The following AGO1 variants were observed in gnomAD, a reference collection of about 807,000 sequenced individuals.
AGO1 encodes argonaute RISC component 1.
A neutral mutation model predicts 109.2 loss-of-function variants in AGO1; 11 were observed. The observed-to-expected ratio is 0.10, with a 90% CI of 0.06 to 0.17. AGO1 has a LOEUF of 0.17. Among genes scored for constraint, AGO1 ranks in the 10% least tolerant of loss-of-function variants. The pLI, the probability that AGO1 is intolerant of heterozygous loss-of-function variation, is 1.00. For synonymous variants in AGO1, 422 were observed against 418.6 expected (o/e 1.01, Z -0.10); for missense variants, 574 against 1,140.3 (o/e 0.50, Z 7.15).
chr1:35,915,498 A>C lies in AGO1; in HGVS notation c.1984A>C (p.Ile662Leu). 1.2e-6 allele frequency: 2 copies of C among 1,614,178 alleles called. No individual in the cohort carries two copies. The highest frequency in any genetic ancestry group is 1.7e-6 in the Non-Finnish European group (2 of 1,180,032). ...GTCCACCCGTTTCAAGCCTACCCGC[A>C]TCATCTTCTACCGAGATGGGGTGCC... ...YKSTRFKPTR[I>L]IFYRDGVPEG... Residue 662 changes from isoleucine (I) to leucine (L), a missense_variant, in exon 15 of 19, where the codon ATC (isoleucine) becomes CTC (leucine). By Grantham distance (5) the Ile-to-Leu change is conservative. Coordinates refer to ENST00000373204, the MANE Select transcript of AGO1 (RefSeq NM_012199.5).
chr1:35,871,312 G>T (rs1436601288), intron 1 of AGO1, among the ~76,000 whole-genome samples: 3 of 149,770 alleles, frequency 2.0e-5, no homozygotes, highest in Non-Finnish European at 4.4e-5. Context: ...TTGGGAGGCC[G>T]AGGTGGGTGG....
chr1:35,890,966 T>C (rs577084774), intron 2 of AGO1, among the ~76,000 whole-genome samples: 1 of 152,302 alleles, frequency 6.6e-6, no homozygotes, highest in Non-Finnish European at 1.5e-5. Context: ...CACACACATA[T>C]AAATATGTTT....
At chr1:35,886,184 C>T (rs930424210) in intron 1 of AGO1, among the ~76,000 whole-genome samples, 3 of 152,182 alleles carry the variant, frequency 2.0e-5, no homozygotes, top group Non-Finnish European at 4.4e-5. Context: ...CCCCTTTCCC[C>T]CTAGGCCCAA....
Position 35,903,213 on chromosome 1 carries a change from A to G in AGO1, c.1397+876A>G, listed in dbSNP as rs538467856. Among the ~76,000 whole-genome samples, 4 of 151,688 alleles carry G rather than the reference A, an allele frequency of 2.6e-5. No homozygotes were observed. The South Asian group carries it at 8.4e-4, about 32-fold the overall frequency. ...AGTAGAGATGGGGTTTCAGTGTGTT[A>G]GCCAGGATGATCTCGATTTCCTGAC... On this transcript the variant is annotated intron_variant, in intron 11 of 18. Transcript: ENST00000373204.
chr1:35,904,022 C>G (rs1487495382), intron 11 of AGO1, among the ~76,000 whole-genome samples: 3 of 151,002 alleles, frequency 2.0e-5, no homozygotes, highest in Admixed American at 2.0e-4. Context: ...CCTGCCCTTG[C>G]TCTTCTTCCC....
intron 12 of AGO1, among the ~76,000 whole-genome samples, chr1:35,908,207 A>G (rs1011658212): frequency 1.3e-5 from 2 of 152,114 alleles, no homozygotes; most frequent in African/African-American, 4.8e-5. Context: ...CCTTCTGTCT[A>G]CCTTTCTCCT....
intron 1 of AGO1, among the ~76,000 whole-genome samples, chr1:35,870,861 A>G (rs1644944237): frequency 6.6e-6 from 1 of 152,124 alleles, no homozygotes. Context: ...ACTTTTGCAT[A>G]GTTTTGAATT....
At chr1:35,918,504 C>G in intron 17 of AGO1, 81 bp downstream of exon 17, 1 of 1,068,458 alleles carries the variant, frequency 9.4e-7, no homozygotes, top group Non-Finnish European at 1.5e-6. Context: ...TATCAGTCAT[C>G]ACTGAATGAC....
chr1:35,883,259 C>G lies in AGO1; in HGVS notation c.-163C>G. The G allele has an allele frequency of 7.4e-7, 1 of 1,350,808 alleles. No individual in the cohort carries two copies. Among genetic ancestry groups the G allele is most frequent in the Non-Finnish European group, 9.5e-7 (1 of 1,050,404 alleles). 83.7% of individuals were successfully genotyped at this position (1,350,808 alleles called of 1,614,324 possible). ...GTGGGAGCTGCTGCAGGCTCCGCGG[C>G]GGCGGCAACGGAGGCTGCGGGGGCG... On this transcript the variant is annotated 5_prime_UTR_variant, in exon 1 of 19. Coordinates refer to ENST00000373204, the MANE Select transcript of AGO1 (RefSeq NM_012199.5). This position sits in a 1 kb window ranked among gnomAD's most constrained non-coding sequence, Gnocchi z 5.4.
rs1175672776 is a variant in AGO1 at position 35,890,962 on chromosome 1, C to T, written c.210-1595C>T. On this transcript the variant is annotated intron_variant, in intron 2 of 18. Transcript: ENST00000373204. ...GAAAGGAGAAAAATTGATGCACACA[C>T]ATATAAATATGTTTGTGTATATGTC... is the stretch of plus-strand genomic sequence containing the variant. 2.0e-5 allele frequency among the ~76,000 whole-genome samples: 3 copies of T among 152,188 alleles called. No individual in the cohort carries two copies. In the East Asian group the frequency reaches 5.8e-4, roughly 29 times the overall value.
upstream of AGO1, chr1:35,883,200 C>T (rs1645056680): frequency 1.7e-6 from 2 of 1,186,052 alleles, no homozygotes; most frequent in Non-Finnish European, 2.1e-6. The surrounding 1 kb of genome is among the most constrained non-coding windows in gnomAD (Gnocchi z 5.4). Flanking sequence ...CCGGCGGTCG[C>T]GCCTGCGCAC....
At chr1:35,911,556 C>G (rs1330232125) in intron 12 of AGO1, among the ~76,000 whole-genome samples, 1 of 152,006 alleles carries the variant, frequency 6.6e-6, no homozygotes, top group Non-Finnish European at 1.5e-5. Context: ...TTAGCATTCT[C>G]TGCTGCCTTT....
upstream of AGO1, among the ~76,000 whole-genome samples, chr1:35,879,734 CAAAAAAAAAAAAA>C (rs71034705): frequency 7.0e-5 from 4 of 57,500 alleles, no homozygotes; most frequent in East Asian, 9.8e-4. Flanking sequence ...GGTTCTGTCT[CAAAAAAAAAAAAA>C]AAAAAAAAAA....
In AGO1 at chr1:35,888,512, G is replaced by T; in HGVS notation, c.111G>T (p.Lys37Asn). 1.9e-6 allele frequency: 3 copies of T among 1,614,222 alleles called. No homozygotes were observed. Among genetic ancestry groups the T allele is most frequent in the Non-Finnish European group, 2.5e-6 (3 of 1,180,044 alleles). Reference protein sequence around the residue: ...PGIGTVGKPIKLLANYFEVDI... With the variant: ...PGIGTVGKPINLLANYFEVDI... ...TTGGCACTGTGGGGAAACCAATCAA[G>T]CTCCTGGCCAATTACTTTGAGGTGG... The change falls in exon 2 of 19, where the codon AAG (lysine) becomes AAT (asparagine). Residue 37 changes from lysine (K) to asparagine (N), a missense_variant. Around this residue, in one of 8 missense-constraint regions of AGO1, gnomAD observed 89 missense variants for 109.6 expected, o/e 0.81. Coordinates refer to ENST00000373204, the MANE Select transcript of AGO1 (RefSeq NM_012199.5). The surrounding 1 kb of genome is among the most constrained non-coding windows in gnomAD (Gnocchi z 4.1).
At chr1:35,894,232 C>G (rs1645276087) in intron 6 of AGO1, 61 bp downstream of exon 6, 2 of 1,587,388 alleles carry the variant, frequency 1.3e-6, no homozygotes, top group Non-Finnish European at 1.7e-6. Context: ...AGGAAATCCC[C>G]TTGGGGTATG....
intron 1 of AGO1, among the ~76,000 whole-genome samples, chr1:35,885,602 C>G (rs1015750471): frequency 9.8e-5 from 15 of 152,322 alleles, no homozygotes; most frequent in African/African-American, 2.6e-4. Context: ...ATACACAAAA[C>G]TAAAGCGTTG....
intron 8 of AGO1, among the ~76,000 whole-genome samples, chr1:35,900,356 G>A (rs1557611164): frequency 6.6e-6 from 1 of 152,196 alleles, no homozygotes; most frequent in Non-Finnish European, 1.5e-5. Context: ...TGTTTACTGT[G>A]TTCCAGAACT....
chr1:35,915,671 T>G (rs1057388931), intron 15 of AGO1, 129 bp downstream of exon 15: 31 of 879,486 alleles, frequency 3.5e-5, no homozygotes, highest in Admixed American at 2.5e-5. Flanking sequence ...TGGAGTAGAC[T>G]TGGGGGCAAG....
chr1:35,892,078 G>A (rs559630406), intron 2 of AGO1, among the ~76,000 whole-genome samples: 1 of 152,056 alleles, frequency 6.6e-6, no homozygotes, highest in South Asian at 2.1e-4. Context: ...AGAAGATACG[G>A]TCTCACTCTG....
Sources: allele counts gnomAD v4.1 joint callset (sites outside exome capture counted in the v4.1 genomes callset), GRCh38; gene constraint gnomAD v4.1.1; regional missense constraint gnomAD v4.1.1; non-coding constraint Gnocchi (gnomAD v3.1); transcripts MANE v1.5; gene names NCBI Gene and HGNC (gene_info 2026-07-23, HGNC 2026-07-21).